DRC11: variants seen among roughly 807,000 people sequenced by gnomAD.
DRC11 encodes IQ and AAA domain-containing protein 1.
chr2:236,456,729 G>C, the DRC11 span, among the ~76,000 whole-genome samples: 315 of 152,312 alleles, frequency 2.1e-3, no homozygotes, highest in African/African-American at 7.2e-3. This position sits in a 1 kb window ranked among gnomAD's most constrained non-coding sequence, Gnocchi z 5.4. Context: ...GGTAGAGGGT[G>C]GGTGTTTACC....
the DRC11 span, among the ~76,000 whole-genome samples, chr2:236,463,836 C>A: frequency 6.6e-6 from 1 of 152,202 alleles, no homozygotes; most frequent in African/African-American, 2.4e-5. This position sits in a 1 kb window ranked among gnomAD's most constrained non-coding sequence, Gnocchi z 5.0. Context: ...AGGTCTCTCA[C>A]AAGGCTGCCA....
chr2:236,416,750 TATATATATATATATATATAA>T, the DRC11 span, among the ~76,000 whole-genome samples: 1 of 63,436 alleles, frequency 1.6e-5, no homozygotes, highest in African/African-American at 5.7e-5. Context: ...TATATATATA[TATATATATATATATATATAA>T]ATAATTTTGC....
At chr2:236,412,542 A>T in the DRC11 span, 1 of 152,158 alleles carries the variant, frequency 6.6e-6, no homozygotes, top group South Asian at 2.1e-4. Context: ...ACCATAGACA[A>T]TGGTTTGACT....
At chr2:236,403,173 A>G in the DRC11 span, among the ~76,000 whole-genome samples, 930 of 152,084 alleles carry the variant, frequency 6.1e-3, 10 homozygotes, top group African/African-American at 0.021. Context: ...CTGAGGTGTG[A>G]CAAAGGGTTT....
the DRC11 span, among the ~76,000 whole-genome samples, chr2:236,310,165 G>C: frequency 6.6e-6 from 1 of 152,114 alleles, no homozygotes; most frequent in African/African-American, 2.4e-5. The surrounding 1 kb of genome is among the most constrained non-coding windows in gnomAD (Gnocchi z 5.5). Flanking sequence ...TTTGCTGTCT[G>C]GTTGCCACCT....
the DRC11 span, among the ~76,000 whole-genome samples, chr2:236,443,028 C>T: frequency 5.3e-5 from 8 of 152,128 alleles, no homozygotes; most frequent in African/African-American, 1.9e-4. This position sits in a 1 kb window ranked among gnomAD's most constrained non-coding sequence, Gnocchi z 4.4. Flanking sequence ...ACAATCTTCA[C>T]GTTTTGGTAT....
At chr2:236,507,386 T>A in the DRC11 span, 2 of 1,015,058 alleles carry the variant, frequency 2.0e-6, no homozygotes, top group East Asian at 4.8e-5. Context: ...GGGTGGGGGG[T>A]CTTCTGGAGG....
At chr2:236,323,099 G>A in the DRC11 span, among the ~76,000 whole-genome samples, 6 of 152,200 alleles carry the variant, frequency 3.9e-5, no homozygotes, top group East Asian at 3.8e-4. The surrounding 1 kb of genome is among the most constrained non-coding windows in gnomAD (Gnocchi z 6.4). Context: ...TTTAAAAAAC[G>A]GTTTACTTTT....
the DRC11 span, among the ~76,000 whole-genome samples, chr2:236,483,654 C>T: frequency 6.6e-6 from 1 of 152,050 alleles, no homozygotes. This position sits in a 1 kb window ranked among gnomAD's most constrained non-coding sequence, Gnocchi z 4.8. Flanking sequence ...ACAACAAAGG[C>T]TGTGTGGAGA....
At chr2:236,397,735 G>A in the DRC11 span, among the ~76,000 whole-genome samples, 1 of 152,174 alleles carries the variant, frequency 6.6e-6, no homozygotes, top group African/African-American at 2.4e-5. The surrounding 1 kb of genome is among the most constrained non-coding windows in gnomAD (Gnocchi z 5.0). Context: ...CCCTAGCCAG[G>A]CCCACGGCCC....
At chr2:236,455,100 C>T in the DRC11 span, 1 of 152,278 alleles carries the variant, frequency 6.6e-6, no homozygotes, top group South Asian at 2.1e-4. The surrounding 1 kb of genome is among the most constrained non-coding windows in gnomAD (Gnocchi z 5.7). Context: ...GACCCAGGTT[C>T]CTAGGTGGCA....
the DRC11 span, among the ~76,000 whole-genome samples, chr2:236,357,068 A>ATATATTATATATCTATTTATATATTCG: frequency 1.8e-5 from 1 of 56,396 alleles, no homozygotes; most frequent in Admixed American, 1.6e-4. Context: ...TTATATATTC[A>ATATATTATATATCTATTTATATATTCG]TATATTATAT....
chr2:236,352,963 G>GC, the DRC11 span, among the ~76,000 whole-genome samples: 25 of 152,058 alleles, frequency 1.6e-4, no homozygotes, highest in South Asian at 6.2e-4. The surrounding 1 kb of genome is among the most constrained non-coding windows in gnomAD (Gnocchi z 7.0). Context: ...CTGTCACACT[G>GC]CCCCCCCAGG....
chr2:236,391,948 C>G, the DRC11 span: 12 of 1,592,118 alleles, frequency 7.5e-6, no homozygotes, highest in Non-Finnish European at 1.0e-5. This position sits in a 1 kb window ranked among gnomAD's most constrained non-coding sequence, Gnocchi z 4.5. Flanking sequence ...CTCCACCGCA[C>G]CCCTCTGCAG....
At chr2:236,433,649 T>C in the DRC11 span, among the ~76,000 whole-genome samples, 8 of 152,344 alleles carry the variant, frequency 5.3e-5, no homozygotes, top group Middle Eastern at 3.4e-3. Flanking sequence ...TTATTCTCTT[T>C]GCTTTTTTGC....
At chr2:236,382,935 A>T in the DRC11 span, among the ~76,000 whole-genome samples, 3 of 152,188 alleles carry the variant, frequency 2.0e-5, no homozygotes, top group South Asian at 6.2e-4. Flanking sequence ...CAGTACAGAA[A>T]TACCTCTCAC....
the DRC11 span, among the ~76,000 whole-genome samples, chr2:236,459,680 T>TATATACGTATATACGTATATAC: frequency 1.6e-5 from 2 of 122,028 alleles, no homozygotes; most frequent in African/African-American, 5.5e-5. Flanking sequence ...TACGTATATA[T>TATATACGTATATACGTATATAC]GTATATACAT....
chr2:236,507,157 GAAAAGAAAAGAA>G, the DRC11 span: 4 of 1,282,212 alleles, frequency 3.1e-6, no homozygotes, highest in East Asian at 2.3e-5. Context: ...GAGGGGAGGA[GAAAAGAAAAGAA>G]AAAAGAAAAT....
chr2:236,331,666 G>A, the DRC11 span: 8 of 1,178,686 alleles, frequency 6.8e-6, no homozygotes, highest in African/African-American at 1.5e-5. The surrounding 1 kb of genome is among the most constrained non-coding windows in gnomAD (Gnocchi z 4.8). Flanking sequence ...TTTCCCTCTC[G>A]GTTGAAAGTT....
Sources: gnomAD v4.1 joint callset for allele counts (sites outside exome capture counted in the v4.1 genomes callset) on GRCh38, gnomAD v4.1.1 for gene constraint, Gnocchi (gnomAD v3.1) non-coding constraint, MANE v1.5 for transcripts, NCBI Gene and HGNC (gene_info 2026-07-23, HGNC 2026-07-21) for gene names.